The following ESR2 variants were observed in gnomAD, a reference collection of about 807,000 sequenced individuals.
ESR2 encodes the protein estrogen receptor beta.
A neutral mutation model predicts 49.6 loss-of-function variants in ESR2; 36 were observed. The observed-to-expected ratio is 0.73, with a 90% CI of 0.56 to 0.96. The LOEUF is 0.96. Ranked by LOEUF, ESR2 falls within the 40% of genes least tolerant of loss-of-function variation. The probability of loss-of-function intolerance (pLI) is 0.00; values close to 1 mark genes in which losing one functional copy is unlikely to be tolerated. For missense variants in ESR2, 714 were observed against 693.0 expected, an observed-to-expected ratio of 1.03 and a Z score of -0.34; for synonymous variants, 320 against 266.1, an observed-to-expected ratio of 1.20 and a Z score of -1.97.
chr14:64,247,442 C>A (rs933651620), intron 7 of ESR2, among the ~76,000 whole-genome samples: 1 of 152,162 alleles, frequency 6.6e-6, no homozygotes, highest in Non-Finnish European at 1.5e-5. Context: ...AAACATGTGA[C>A]CACAGTGAAT....
At chr14:64,301,966 G>A (rs1251055423) in intron 1 of ESR2, among the ~76,000 whole-genome samples, 3 of 151,918 alleles carry the variant, frequency 2.0e-5, no homozygotes, top group African/African-American at 7.3e-5. Flanking sequence ...TGAGGGTAGA[G>A]AAGACAGTGA....
rs1596405923 is a variant in ESR2 at position 64,260,452 on chromosome 14, GA to G, written c.948del (p.Gly318AlafsTer22). On this transcript the variant is annotated frameshift_variant, in exon 5 of 9. Coordinates refer to ENST00000341099, the MANE Select transcript of ESR2 (RefSeq NM_001437.3). LOFTEE classifies it high-confidence loss of function. ...LVHMISWAKK[I>X]PGFVELSLFD... ...ACTGATAGCCAGAAAGCCCTACCGG[GA>G]ATCTTCTTGGCCCAGCTGATCATGT... is the stretch of plus-strand genomic sequence containing the variant. The G allele has an allele frequency of 1.2e-5, 19 of 1,522,420 alleles. No individual in the cohort carries two copies. Among genetic ancestry groups the G allele is most frequent in the Non-Finnish European group, 1.6e-5 (18 of 1,136,494 alleles). 94.3% of individuals were successfully genotyped at this position (1,522,420 alleles called of 1,614,324 possible). A position where few individuals can be genotyped will look rare whatever the true frequency, so the allele number is the denominator to read the frequency against.
intron 3 of ESR2, among the ~76,000 whole-genome samples, chr14:64,269,805 G>T (rs1259593196): frequency 2.6e-5 from 4 of 152,140 alleles, no homozygotes; most frequent in Non-Finnish European, 5.9e-5. Flanking sequence ...TAAGACAATG[G>T]TACTTTTAAT....
Position 64,231,523 on chromosome 14 carries a change from G to A in ESR2, c.*1614C>T, listed in dbSNP as rs1201257568. 6.6e-6 allele frequency: 1 copy of A among 152,134 alleles called. No homozygotes were observed. The highest frequency in any genetic ancestry group is 1.5e-5 in the Non-Finnish European group (1 of 68,022). The allele number at this position is 152,134 out of a possible 1,614,324, so 9.4% of individuals were successfully genotyped here. ...TCTAGGTACTTGTCCAAGCATTTCT[G>A]AAACAGCTAAGCTCAACTTATAGTA... On this transcript the variant is annotated 3_prime_UTR_variant, in exon 9 of 9. Transcript: ENST00000341099.
Position 64,283,094 on chromosome 14 carries a change from G to C in ESR2, c.-90-19C>G. On this transcript the variant is annotated intron_variant, in intron 1 of 8. Coordinates refer to ENST00000341099, the MANE Select transcript of ESR2 (RefSeq NM_001437.3). ...ATAATGGCTGTAAAGAAACACAGAA[G>C]ATATTGCCAAGTTAGAGCTACAGCT... The C allele has an allele frequency of 8.8e-7, 1 of 1,130,482 alleles. No individual in the cohort carries two copies. The highest frequency in any genetic ancestry group is 2.4e-5 in the East Asian group (1 of 41,738). The allele number at this position is 1,130,482 out of a possible 1,614,324, so 70.0% of individuals were successfully genotyped here. A position where few individuals can be genotyped will look rare whatever the true frequency, so the allele number is the denominator to read the frequency against.
chr14:64,316,873 T>G (rs2077262363), intron 1 of ESR2, among the ~76,000 whole-genome samples: 1 of 152,130 alleles, frequency 6.6e-6, no homozygotes, highest in Admixed American at 6.6e-5. Context: ...ACAAAAATCC[T>G]TAACAAAATA....
upstream of ESR2, among the ~76,000 whole-genome samples, chr14:64,297,936 C>T (rs1032451322): frequency 2.0e-5 from 3 of 151,964 alleles, no homozygotes; most frequent in African/African-American, 2.4e-5. Flanking sequence ...ATAAATTGGT[C>T]TGTTTTAAGA....
chr14:64,266,904 C>T (rs1039994452), intron 4 of ESR2, among the ~76,000 whole-genome samples: 2 of 152,182 alleles, frequency 1.3e-5, no homozygotes, highest in African/African-American at 4.8e-5. Context: ...CGCCCCCAGA[C>T]AGAGTCTCAC....
At chr14:64,335,818 T>G (rs1050820007) in intron 1 of ESR2, 2 of 148,454 alleles carry the variant, frequency 1.3e-5, no homozygotes, top group Admixed American at 1.3e-4. Flanking sequence ...TTTTTTTTTT[T>G]TTTGAGATGA....
chr14:64,291,525 A>C (rs1264989478), intron 1 of ESR2, among the ~76,000 whole-genome samples: 5 of 151,718 alleles, frequency 3.3e-5, no homozygotes, highest in Admixed American at 2.0e-4. Flanking sequence ...AGGAAAAAGG[A>C]AAAAGACATC....
At chr14:64,266,276 A>G (rs1331604528) in intron 4 of ESR2, among the ~76,000 whole-genome samples, 2 of 152,246 alleles carry the variant, frequency 1.3e-5, no homozygotes, top group African/African-American at 4.8e-5. Context: ...AAGTCTTCAT[A>G]TATGTTTTCA....
At chr14:64,240,505 G>A (rs191844911) in intron 7 of ESR2, among the ~76,000 whole-genome samples, 36 of 152,242 alleles carry the variant, frequency 2.4e-4, no homozygotes, top group Non-Finnish European at 4.1e-4. Context: ...TAATCTTTTT[G>A]TTTTGCTTTC....
chr14:64,320,387 G>A (rs1490902689), intron 1 of ESR2, among the ~76,000 whole-genome samples: 3 of 151,682 alleles, frequency 2.0e-5, no homozygotes, highest in Admixed American at 1.3e-4. Flanking sequence ...GCAACATAGC[G>A]AGACATCCAT....
intron 1 of ESR2, among the ~76,000 whole-genome samples, chr14:64,337,683 C>A (rs1346538919): frequency 1.3e-5 from 2 of 151,864 alleles, no homozygotes; most frequent in African/African-American, 2.4e-5. Context: ...AACTGTTAAT[C>A]AAACAAAAAA....
intron 1 of ESR2, among the ~76,000 whole-genome samples, chr14:64,321,765 T>C (rs563959435): frequency 4.6e-5 from 7 of 152,256 alleles, no homozygotes; most frequent in African/African-American, 1.7e-4. Flanking sequence ...TGCAGCAACA[T>C]AGATGGAACT....
At chr14:64,244,211 T>TA (rs2075801237) in intron 7 of ESR2, among the ~76,000 whole-genome samples, 1 of 151,974 alleles carries the variant, frequency 6.6e-6, no homozygotes, top group African/African-American at 2.4e-5. Context: ...CCAGCCTGTC[T>TA]AATGTGGTGA....
At chr14:64,255,145 T>C (rs540846968) in intron 6 of ESR2, among the ~76,000 whole-genome samples, 2 of 151,822 alleles carry the variant, frequency 1.3e-5, no homozygotes, top group African/African-American at 2.4e-5. Flanking sequence ...AGGAATGAAA[T>C]AGTCACCAAA....
At chr14:64,325,348 C>T (rs1162265217) in intron 1 of ESR2, among the ~76,000 whole-genome samples, 1 of 151,926 alleles carries the variant, frequency 6.6e-6, no homozygotes, top group Non-Finnish European at 1.5e-5. Context: ...GAAAATTATT[C>T]ATGAAATGAT....
At chr14:64,249,754 T>G (rs1401651367) in intron 6 of ESR2, 75 bp from the exon 7 acceptor site, 1 of 1,455,662 alleles carries the variant, frequency 6.9e-7, no homozygotes, top group African/African-American at 1.4e-5. Context: ...GAATGTTTTA[T>G]TTTTAATCTC....
Sources: allele counts gnomAD v4.1 joint callset (sites outside exome capture counted in the v4.1 genomes callset), GRCh38; gene constraint gnomAD v4.1.1; transcripts MANE v1.5; gene names NCBI Gene and HGNC (gene_info 2026-07-23, HGNC 2026-07-21).